KCNK2: variants seen among roughly 807,000 people sequenced by gnomAD.
The protein encoded by KCNK2 is potassium two pore domain channel subfamily K member 2, also known as potassium channel subfamily K member 2.
Under a neutral mutation model 40.5 loss-of-function variants are expected in KCNK2, and 21 were observed. The observed-to-expected ratio is 0.52, with a 90% confidence interval of 0.37 to 0.75. KCNK2 has a LOEUF of 0.75. KCNK2 is among the 30% of genes least tolerant of loss of function. The pLI is 0.00. For missense variants in KCNK2, 399 were observed against 531.6 expected, an observed-to-expected ratio of 0.75 and a Z score of 2.45; for synonymous variants, 191 against 202.2, an observed-to-expected ratio of 0.94 and a Z score of 0.47.
At chr1:215,086,961 T>A (rs1020056120) in intron 2 of KCNK2, among the ~76,000 whole-genome samples, 1 of 152,242 alleles carries the variant, frequency 6.6e-6, no homozygotes, top group Non-Finnish European at 1.5e-5. Context: ...ATTTCTTTCC[T>A]GTTGTCTTCC....
chr1:215,080,969 T>C (rs532480952), upstream of KCNK2, among the ~76,000 whole-genome samples: 4 of 152,348 alleles, frequency 2.6e-5, no homozygotes, highest in South Asian at 8.3e-4. Flanking sequence ...GGTGGGCCTA[T>C]ATCACAAGCA....
chr1:215,033,694 A>T (rs2841584), intron 1 of KCNK2, among the ~76,000 whole-genome samples: 1 of 152,010 alleles, frequency 6.6e-6, no homozygotes, highest in African/African-American at 2.4e-5. Context: ...CTCTTCTTCC[A>T]TGTGGAAGGA....
At chr1:215,129,637 G>A (rs1661579779) in intron 3 of KCNK2, among the ~76,000 whole-genome samples, 1 of 152,176 alleles carries the variant, frequency 6.6e-6, no homozygotes, top group Admixed American at 6.5e-5. Context: ...AAAGATCTGG[G>A]TGGGACAGAT....
intron 6 of KCNK2, among the ~76,000 whole-genome samples, chr1:215,224,281 A>G (rs1225285335): frequency 6.6e-6 from 1 of 152,124 alleles, no homozygotes; most frequent in Non-Finnish European, 1.5e-5. Flanking sequence ...GGGAGACAAC[A>G]ATTTCTGCCA....
At chr1:215,145,879 A>C (rs1392628748) in intron 3 of KCNK2, among the ~76,000 whole-genome samples, 1 of 152,184 alleles carries the variant, frequency 6.6e-6, no homozygotes, top group Non-Finnish European at 1.5e-5. Flanking sequence ...TTAATGCTAC[A>C]GAATTATTTT....
intron 6 of KCNK2, among the ~76,000 whole-genome samples, chr1:215,214,149 G>C (rs1366501151): frequency 6.6e-6 from 1 of 152,160 alleles, no homozygotes; most frequent in Non-Finnish European, 1.5e-5. Flanking sequence ...TATAAAGAAA[G>C]GTTTAATTGG....
intron 6 of KCNK2, among the ~76,000 whole-genome samples, chr1:215,197,803 C>T (rs1412718150): frequency 1.3e-5 from 2 of 152,176 alleles, no homozygotes; most frequent in Non-Finnish European, 2.9e-5. Flanking sequence ...AGTTTAAGAT[C>T]AGTCTAGCCA....
chr1:215,103,610 G>T (rs1660312024), intron 2 of KCNK2, among the ~76,000 whole-genome samples: 4 of 151,914 alleles, frequency 2.6e-5, no homozygotes, highest in Admixed American at 2.6e-4. Flanking sequence ...ATTTAAGCAG[G>T]CCTAAAAATC....
chr1:215,067,883 C>T (rs1420837454), intron 1 of KCNK2, among the ~76,000 whole-genome samples: 4 of 151,918 alleles, frequency 2.6e-5, no homozygotes, highest in African/African-American at 9.7e-5. Context: ...AAATTACTTT[C>T]ATATTTAATA....
chr1:215,083,221 G>GCC lies in KCNK2; in HGVS notation c.-162_-161dup. On this transcript the variant is annotated 5_prime_UTR_variant, in exon 1 of 7. Transcript: ENST00000444842. ...CCCCCCCCGCCCCCTCCCGCGTCCA[G>GCC]CCCCGCTCTCCCCACCTTGTAAAAC... 1 of 537,718 alleles carries GCC rather than the reference G, an allele frequency of 1.9e-6. No homozygotes were observed. The highest frequency in any genetic ancestry group is 2.7e-6 in the Non-Finnish European group (1 of 372,912). The allele number at this position is 537,718 out of a possible 1,614,324, so 33.3% of individuals were successfully genotyped here.
chr1:215,098,112 G>A (rs955631566), intron 2 of KCNK2, among the ~76,000 whole-genome samples: 1 of 151,730 alleles, frequency 6.6e-6, no homozygotes, highest in South Asian at 2.1e-4. Flanking sequence ...CTGTTCCTTG[G>A]CAGTTATAGT....
At position 215,082,996 on chromosome 1, in the gene KCNK2, G is replaced by T; in HGVS notation, c.-390G>T. On this transcript the variant is annotated 5_prime_UTR_variant, in exon 1 of 7. Transcript: ENST00000444842. The stretch of plus-strand genomic sequence containing the variant: ...CCGGGCCAGCGAGCAGCCCGGGGCT[G>T]AGCGCGTGGCGGCGGCGGCGGCGGC... 6.4e-6 allele frequency: 1 copy of T among 156,534 alleles called. No homozygotes were observed. Among genetic ancestry groups the T allele is most frequent in the South Asian group, 1.8e-4 (1 of 5,502 alleles). The allele number at this position is 156,534 out of a possible 1,614,324, so 9.7% of individuals were successfully genotyped here.
intron 1 of KCNK2, among the ~76,000 whole-genome samples, chr1:215,007,119 A>ATGTATATATATG (rs1160576262): frequency 1.7e-5 from 2 of 119,980 alleles, no homozygotes; most frequent in Non-Finnish European, 3.2e-5. Context: ...GTGTGTATAT[A>ATGTATATATATG]TGTATATATA....
At chr1:215,032,377 C>A (rs1657232870) in intron 1 of KCNK2, among the ~76,000 whole-genome samples, 1 of 152,034 alleles carries the variant, frequency 6.6e-6, no homozygotes, top group African/African-American at 2.4e-5. Context: ...CACTGTACTC[C>A]AGCCTGGGTG....
intron 3 of KCNK2, 141 bp downstream of exon 3, chr1:215,124,891 G>T (rs1401181253): frequency 3.1e-6 from 2 of 640,620 alleles, no homozygotes; most frequent in South Asian, 1.9e-5. Context: ...TTTTGAAAAG[G>T]GGATTTAAAG....
chr1:215,071,739 C>T (rs1385017354), intron 1 of KCNK2, among the ~76,000 whole-genome samples: 1 of 152,054 alleles, frequency 6.6e-6, no homozygotes, highest in African/African-American at 2.4e-5. Flanking sequence ...CATGTTTGGG[C>T]ATAAAATTTT....
chr1:215,101,504 C>T lies in KCNK2; in HGVS notation c.357+14826C>T, dbSNP rs189021636. 3.1e-4 allele frequency among the ~76,000 whole-genome samples: 47 copies of T among 151,982 alleles called. No homozygotes were observed. In the South Asian group the frequency reaches 7.7e-3, roughly 25 times the overall value. ...AGACCCATAGAAGGTCTGATGTGAT[C>T]GGGCCATCTCTGGTGGATCAAGACA... On this transcript the variant is annotated intron_variant, in intron 2 of 6. Coordinates refer to ENST00000444842, the MANE Select transcript of KCNK2 (RefSeq NM_001017425.3).
upstream of KCNK2, among the ~76,000 whole-genome samples, chr1:215,081,289 A>T (rs1659147013): frequency 6.6e-6 from 1 of 152,068 alleles, no homozygotes; most frequent in African/African-American, 2.4e-5. Context: ...GAGGGAAGGT[A>T]ACTGCCCAGG....
chr1:215,208,169 A>G (rs952100103), intron 6 of KCNK2, among the ~76,000 whole-genome samples: 1 of 152,220 alleles, frequency 6.6e-6, no homozygotes, highest in African/African-American at 2.4e-5. Flanking sequence ...ATAGAATACT[A>G]CACAGCCATA....
Sources: allele counts gnomAD v4.1 joint callset (sites outside exome capture counted in the v4.1 genomes callset), GRCh38; gene constraint gnomAD v4.1.1; transcripts MANE v1.5; gene names NCBI Gene and HGNC (gene_info 2026-07-23, HGNC 2026-07-21).